The following PRKAA1 variants were observed in gnomAD, a reference collection of about 807,000 sequenced individuals.
PRKAA1 encodes protein kinase AMP-activated catalytic subunit alpha 1.
Under a neutral mutation model 56.9 loss-of-function variants are expected in PRKAA1, and 23 were observed. The observed-to-expected ratio is 0.40, with a 90% CI of 0.29 to 0.57. The LOEUF is 0.57. PRKAA1 is among the 20% of genes least tolerant of loss of function. The pLI is 0.39. For missense variants in PRKAA1, 413 were observed against 679.7 expected, an observed-to-expected ratio of 0.61 and a Z score of 4.36; for synonymous variants, 226 against 227.0, an observed-to-expected ratio of 1.00 and a Z score of 0.04.
intron 1 of PRKAA1, among the ~76,000 whole-genome samples, chr5:40,787,628 C>T (rs1744549356): frequency 1.3e-5 from 2 of 151,804 alleles, no homozygotes; most frequent in Non-Finnish European, 2.9e-5. Context: ...TTGTTATCAG[C>T]TTATATACCA....
chr5:40,790,525 CTTT>C (rs1554033592), intron 1 of PRKAA1, among the ~76,000 whole-genome samples: 1 of 112,030 alleles, frequency 8.9e-6, no homozygotes, highest in African/African-American at 3.9e-5. Context: ...TCAACTCTTT[CTTT>C]TTTTTTTTTT....
chr5:40,774,794 AC>A (rs1188979191), intron 3 of PRKAA1: 1 of 628,248 alleles, frequency 1.6e-6, no homozygotes. Context: ...GCTTTTGCAT[AC>A]CACATAACCT....
intron 6 of PRKAA1, among the ~76,000 whole-genome samples, chr5:40,765,939 C>G (rs1328552444): frequency 1.3e-5 from 2 of 151,394 alleles, no homozygotes; most frequent in South Asian, 4.2e-4. Context: ...TAAATAAAAT[C>G]CAGAGACGAA....
intron 1 of PRKAA1, among the ~76,000 whole-genome samples, chr5:40,791,966 A>T (rs930670309): frequency 6.6e-6 from 1 of 152,228 alleles, no homozygotes; most frequent in Non-Finnish European, 1.5e-5. Flanking sequence ...ATTATTTTTC[A>T]TATTTATTTT....
chr5:40,791,352 A>C (rs534812622), intron 1 of PRKAA1, among the ~76,000 whole-genome samples: 1 of 152,334 alleles, frequency 6.6e-6, no homozygotes, highest in Admixed American at 6.5e-5. Context: ...TGGCCACGGA[A>C]GACTTGCACA....
chr5:40,762,291 T>C lies in PRKAA1; in HGVS notation c.*487A>G, dbSNP rs1016382759. The C allele has an allele frequency of 6.4e-6, 1 of 156,410 alleles. No homozygotes were observed. The highest frequency in any genetic ancestry group is 2.4e-5 in the African/African-American group (1 of 41,352). 9.7% of individuals were successfully genotyped at this position (156,410 alleles called of 1,614,324 possible). ...TCTCAAAAAAACAAAGAGGGAGGGA[T>C]ATGGAAGAAGTTATCCAGACTGTTA... On this transcript the variant is annotated 3_prime_UTR_variant, in exon 9 of 9. Coordinates refer to ENST00000397128, the MANE Select transcript of PRKAA1 (RefSeq NM_006251.6).
intron 1 of PRKAA1, among the ~76,000 whole-genome samples, chr5:40,786,784 TACAAAAAAAAAA>T (rs1408867894): frequency 3.1e-4 from 1 of 3,246 alleles, no homozygotes; most frequent in African/African-American, 1.2e-3. Context: ...CTACTAAAAA[TACAAAAAAAAAA>T]AAAAAAAAAA....
chr5:40,764,645 C>T lies in PRKAA1; in HGVS notation c.1309-5G>A. 2 of 1,612,632 alleles carry T rather than the reference C, an allele frequency of 1.2e-6. No homozygotes were observed. Among genetic ancestry groups the T allele is most frequent in the Non-Finnish European group, 1.7e-6 (2 of 1,179,284 alleles). On this transcript the variant is annotated splice_region_variant and splice_polypyrimidine_tract_variant and intron_variant, in intron 7 of 8. Coordinates refer to ENST00000397128, the MANE Select transcript of PRKAA1 (RefSeq NM_006251.6). ...CAAATAATATGGGTTTACAACCTAG[C>T]ACATGGTATAACAAAAACCAAGTCA... is the stretch of plus-strand genomic sequence containing the variant.
In PRKAA1 at chr5:40,765,003, A is replaced by G; in HGVS notation, c.1057T>C (p.Leu353=). ...RIMNEAKDFY[L]ATSPPDSFLD... ...AAAGAATCAGGTGGGCTTGTCGCCA[A>G]ATAGAAATCTTTGGCTTCATTCATT... Residue 353 remains leucine (L), a synonymous_variant, in exon 7 of 9, where the codon TTG becomes CTG. Coordinates refer to ENST00000397128, the MANE Select transcript of PRKAA1 (RefSeq NM_006251.6). 1.9e-6 allele frequency: 3 copies of G among 1,614,198 alleles called. No homozygotes were observed. Among genetic ancestry groups the G allele is most frequent in the South Asian group, 1.1e-5 (1 of 91,082 alleles).
At chr5:40,769,046 A>G (rs1040898996) in intron 5 of PRKAA1, 3 of 796,156 alleles carry the variant, frequency 3.8e-6, no homozygotes, top group African/African-American at 1.8e-5. Flanking sequence ...ACAAAATGCC[A>G]TCTATGTAAA....
chr5:40,774,806 G>T, intron 3 of PRKAA1: 1 of 732,534 alleles, frequency 1.4e-6, no homozygotes, highest in Non-Finnish European at 2.3e-6. Context: ...CACATAACCT[G>T]GGTATGAGAA....
chr5:40,762,550 GTATAT>G lies in PRKAA1; in HGVS notation c.*223_*227del. ...AAGCCTGAGACCTATAATTCACTGT[GTATAT>G]TATGCTATATACATACTGCACAATG... On this transcript the variant is annotated 3_prime_UTR_variant, in exon 9 of 9. Transcript: ENST00000397128. 1 of 504,218 alleles carries G rather than the reference GTATAT, an allele frequency of 2.0e-6. No individual in the cohort carries two copies. The highest frequency in any genetic ancestry group is 3.5e-6 in the Non-Finnish European group (1 of 286,772). The allele number at this position is 504,218 out of a possible 1,614,324, so 31.2% of individuals were successfully genotyped here.
At position 40,791,065 on chromosome 5, in the gene PRKAA1, G is replaced by A. The variant is rs187003995; in HGVS notation, c.127+6998C>T. Among the ~76,000 whole-genome samples the A allele has an allele frequency of 2.6e-3, 393 of 152,306 alleles. 5 individuals carry two copies. Among genetic ancestry groups the A allele is most frequent in the African/African-American group, 9.0e-3 (376 of 41,566 alleles). On this transcript the variant is annotated intron_variant, in intron 1 of 8. Coordinates refer to ENST00000397128, the MANE Select transcript of PRKAA1 (RefSeq NM_006251.6). ...CCTATCCACTCTCCCCACCATCACT[G>A]TGCAGTGAGAGGGACAAAGGGCTTG...
At chr5:40,771,923 A>G in intron 3 of PRKAA1, 60 bp from the exon 4 acceptor site, 1 of 1,548,510 alleles carries the variant, frequency 6.5e-7, no homozygotes, top group South Asian at 1.2e-5. Context: ...TGTCCTATCT[A>G]TAATTCTCCA....
chr5:40,791,263 C>T (rs1744707427), intron 1 of PRKAA1, among the ~76,000 whole-genome samples: 1 of 152,082 alleles, frequency 6.6e-6, no homozygotes, highest in South Asian at 2.1e-4. Context: ...TTTCAAAATT[C>T]AAACTTTATT....
rs146544425 is a variant in PRKAA1, at chr5:40,764,774, T to C, written c.1286A>G (p.Lys429Arg). ...DIMAEVCRAI[K>R]QLDYEWKVVN... is the part of the protein sequence containing the mutation. ...TACCTTCCATTCATAATCCAATTGT[T>C]TGATTGCTCTACATACTTCTGCCAT... The change falls in exon 7 of 9, where the codon AAA becomes AGA. Residue 429 changes from lysine to arginine, a missense_variant. By Grantham distance (26) the Lys-to-Arg change is conservative. Around this residue, in one of 9 missense-constraint regions of PRKAA1, gnomAD observed 139 missense variants for 171.5 expected, o/e 0.81. Coordinates refer to ENST00000397128, the MANE Select transcript of PRKAA1 (RefSeq NM_006251.6). 3.1e-4 allele frequency: 495 copies of C among 1,611,886 alleles called. 17 individuals are homozygous for C. The East Asian group carries it at 5.3e-3, about 17-fold the overall frequency.
rs1009392174 is a variant in PRKAA1, at chr5:40,767,430, C to T, written c.821+36G>A. The T allele has an allele frequency of 4.6e-6, 7 of 1,515,968 alleles. No homozygotes were observed. In the Admixed American group the frequency reaches 7.0e-5, roughly 15 times the overall value. 93.9% of individuals were successfully genotyped at this position (1,515,968 alleles called of 1,614,324 possible). ...TTTCACATAACTTTTATCATGGATA[C>T]TATCAGATCTGATAACTTCCAAACT... On this transcript the variant is annotated intron_variant, in intron 6 of 8. Transcript: ENST00000397128.
intron 4 of PRKAA1, among the ~76,000 whole-genome samples, chr5:40,770,266 C>T (rs965104198): frequency 2.0e-5 from 3 of 152,030 alleles, no homozygotes; most frequent in African/African-American, 4.8e-5. Flanking sequence ...AGTTCGAGTC[C>T]GGCCTGGCCA....
At position 40,762,866 on chromosome 5, in the gene PRKAA1, GAA is replaced by G; in HGVS notation, c.1590_1591del (p.Pro532CysfsTer2). 1 of 1,614,184 alleles carries G rather than the reference GAA, an allele frequency of 6.2e-7. No homozygotes were observed. Among genetic ancestry groups the G allele is most frequent in the Admixed American group, 1.7e-5 (1 of 60,026 alleles). Reference sequence around the variant, plus strand: ...AGGTCTTGGAGTTAGGTCAACAGGAGAAGAGTCAAGTGAGGTCACAGATGAGG... The same window carrying G: ...AGGTCTTGGAGTTAGGTCAACAGGAGGAGTCAAGTGAGGTCACAGATGAGG... On this transcript the variant is annotated frameshift_variant, in exon 9 of 9. Transcript: ENST00000397128. LOFTEE classifies it high-confidence loss of function.
Sources: allele counts gnomAD v4.1 joint callset (sites outside exome capture counted in the v4.1 genomes callset), GRCh38; gene constraint gnomAD v4.1.1; regional missense constraint gnomAD v4.1.1; transcripts MANE v1.5; gene names NCBI Gene and HGNC (gene_info 2026-07-23, HGNC 2026-07-21).